The following RAPGEF5 variants were observed in gnomAD, a reference collection of about 807,000 sequenced individuals.
RAPGEF5 encodes M-Ras-regulated GEF.
A neutral mutation model predicts 125.2 loss-of-function variants in RAPGEF5; 65 were observed. That is an observed-to-expected ratio of 0.52 (90% confidence interval 0.43 to 0.64). The LOEUF is 0.64. Among genes scored for constraint, RAPGEF5 ranks in the 30% least tolerant of loss-of-function variants. RAPGEF5 has a pLI of 0.00. For synonymous variants in RAPGEF5, 391 were observed against 385.9 expected (o/e 1.01, Z -0.16); for missense variants, 958 against 1,048.1 (o/e 0.91, Z 1.19).
intron 25 of RAPGEF5, among the ~76,000 whole-genome samples, chr7:22,124,075 T>C (rs1254094550): frequency 6.6e-6 from 1 of 152,346 alleles, no homozygotes; most frequent in African/African-American, 2.4e-5. Flanking sequence ...TTACTTAAAT[T>C]TCTCCTTTGC....
chr7:22,303,448 T>C (rs1363588797), intron 5 of RAPGEF5, among the ~76,000 whole-genome samples: 1 of 152,252 alleles, frequency 6.6e-6, no homozygotes, highest in Non-Finnish European at 1.5e-5. Flanking sequence ...TTAAAGATTC[T>C]TTTTTAAATG....
chr7:22,280,221 C>T (rs1374055743), intron 6 of RAPGEF5, among the ~76,000 whole-genome samples: 1 of 152,184 alleles, frequency 6.6e-6, no homozygotes, highest in African/African-American at 2.4e-5. Flanking sequence ...CTACAACTCT[C>T]ACATGAGAAC....
chr7:22,174,485 G>A (rs922182487), intron 11 of RAPGEF5, among the ~76,000 whole-genome samples: 2 of 152,194 alleles, frequency 1.3e-5, no homozygotes, highest in African/African-American at 4.8e-5. Flanking sequence ...TTATGCAGGA[G>A]GCACTCTCCA....
intron 8 of RAPGEF5, among the ~76,000 whole-genome samples, chr7:22,230,591 T>C (rs1340087410): frequency 6.6e-6 from 1 of 152,218 alleles, no homozygotes; most frequent in Non-Finnish European, 1.5e-5. Context: ...CCTTCACTCA[T>C]TTCCCTTGCT....
rs555068957 is a variant in RAPGEF5, at chr7:22,333,573, T to C, written c.232-15536A>G. Among the ~76,000 whole-genome samples the C allele has an allele frequency of 4.6e-4, 70 of 152,326 alleles. 1 individual carries two copies. In the South Asian group the frequency reaches 7.0e-3, roughly 15 times the overall value. ...CTTTTTTATTTCTAAATATTAATGC[T>C]GCAATTTTTAAAAAGAGGGGGACCT... On this transcript the variant is annotated intron_variant, in intron 1 of 25. Coordinates refer to ENST00000665637, the MANE Select transcript of RAPGEF5 (RefSeq NM_012294.5).
intron 11 of RAPGEF5, chr7:22,193,062 T>C (rs1785044389): frequency 2.2e-6 from 1 of 461,900 alleles, no homozygotes; most frequent in Non-Finnish European, 3.9e-6. Flanking sequence ...ACATGGGCTA[T>C]TGAATGTTGG....
intron 7 of RAPGEF5, among the ~76,000 whole-genome samples, chr7:22,259,999 G>A (rs1285464908): frequency 2.0e-5 from 3 of 152,066 alleles, no homozygotes; most frequent in Non-Finnish European, 4.4e-5. Flanking sequence ...CAGGAGAATC[G>A]TTTGAAATCG....
chr7:22,175,287 C>T (rs544712547), intron 11 of RAPGEF5, among the ~76,000 whole-genome samples: 33 of 152,020 alleles, frequency 2.2e-4, no homozygotes, highest in Non-Finnish European at 4.4e-4. Flanking sequence ...TAGAGAGATG[C>T]CCCTTGGTGA....
chr7:22,196,099 G>A (rs915939914), intron 9 of RAPGEF5, among the ~76,000 whole-genome samples: 5 of 152,160 alleles, frequency 3.3e-5, no homozygotes, highest in Admixed American at 2.0e-4. Context: ...TAGCATCTAT[G>A]TCATTGTGAT....
At chr7:22,267,816 C>G (rs1554271376) in intron 6 of RAPGEF5, among the ~76,000 whole-genome samples, 2 of 151,552 alleles carry the variant, frequency 1.3e-5, no homozygotes, top group Admixed American at 1.3e-4. Flanking sequence ...GACACAAACT[C>G]TTAAACTCAG....
chr7:22,290,888 T>C (rs1218713398), intron 6 of RAPGEF5, among the ~76,000 whole-genome samples: 1 of 152,146 alleles, frequency 6.6e-6, no homozygotes, highest in African/African-American at 2.4e-5. Flanking sequence ...GTCACAACTT[T>C]CCTAGGTTAA....
chr7:22,162,277 C>A, intron 13 of RAPGEF5, 120 bp downstream of exon 13: 4 of 1,068,430 alleles, frequency 3.7e-6, no homozygotes, highest in Non-Finnish European at 5.3e-6. Context: ...CTCTGAATCA[C>A]AACTTGACTA....
chr7:22,132,967 G>A (rs1044297220), intron 23 of RAPGEF5, among the ~76,000 whole-genome samples: 2 of 152,172 alleles, frequency 1.3e-5, no homozygotes, highest in South Asian at 2.1e-4. Context: ...TCACCACTGC[G>A]CCTCTCCAGG....
intron 7 of RAPGEF5, among the ~76,000 whole-genome samples, chr7:22,248,693 G>A (rs942803564): frequency 6.6e-6 from 1 of 152,176 alleles, no homozygotes; most frequent in Non-Finnish European, 1.5e-5. Flanking sequence ...TGATAAACGC[G>A]TGTCTGCTCT....
At chr7:22,229,654 T>C (rs1326661258) in intron 8 of RAPGEF5, among the ~76,000 whole-genome samples, 1 of 152,240 alleles carries the variant, frequency 6.6e-6, no homozygotes, top group Admixed American at 6.5e-5. Context: ...TGACTTGAAC[T>C]ACTTATTCCA....
chr7:22,217,471 T>C (rs1785666780), intron 9 of RAPGEF5, among the ~76,000 whole-genome samples: 2 of 152,180 alleles, frequency 1.3e-5, no homozygotes, highest in African/African-American at 2.4e-5. Context: ...ACATAAAAGA[T>C]TGAAGTGAAT....
At chr7:22,237,983 A>G (rs917934999) in intron 7 of RAPGEF5, among the ~76,000 whole-genome samples, 4 of 152,170 alleles carry the variant, frequency 2.6e-5, no homozygotes, top group African/African-American at 9.7e-5. Flanking sequence ...CTGATAGGTA[A>G]ATGAGAAAAG....
At chr7:22,298,148 CTA>C (rs916338159) in intron 5 of RAPGEF5, among the ~76,000 whole-genome samples, 5 of 149,798 alleles carry the variant, frequency 3.3e-5, no homozygotes, top group African/African-American at 1.2e-4. Context: ...AAGATTGTGT[CTA>C]TGCTAATGAG....
Position 22,140,045 on chromosome 7 carries a change from G to C in RAPGEF5, c.2257C>G (p.Arg753Gly). 1 of 1,568,426 alleles carries C rather than the reference G, an allele frequency of 6.4e-7. No individual in the cohort carries two copies. The highest frequency in any genetic ancestry group is 2.4e-5 in the East Asian group (1 of 42,260). The part of the protein sequence containing the change: ...VMGLNTASVS[R>G]LSQTWEKIPG... ...CTCACCTCCCAGGTCTGCGACAGTCGACTGACAGAAGCAGTGTTGAGACCC... is the reference window on the plus strand; with the variant it reads ...CTCACCTCCCAGGTCTGCGACAGTCCACTGACAGAAGCAGTGTTGAGACCC... Residue 753 changes from arginine to glycine, a missense_variant, in exon 21 of 26, where the codon CGA becomes GGA. Coordinates refer to ENST00000665637, the MANE Select transcript of RAPGEF5 (RefSeq NM_012294.5).
Sources: gnomAD v4.1 joint callset for allele counts (sites outside exome capture counted in the v4.1 genomes callset) on GRCh38, gnomAD v4.1.1 for gene constraint, MANE v1.5 for transcripts, NCBI Gene and HGNC (gene_info 2026-07-23, HGNC 2026-07-21) for gene names.